Variants in TCTN3 observed in about 807,000 individuals in gnomAD.
The protein encoded by TCTN3 is tectonic-3.
TCTN3 carries 57 observed loss-of-function variants against 71.3 expected under a neutral mutation model. The ratio of observed to expected loss-of-function variants is 0.80; its 90% confidence interval spans 0.65 to 1.00. The LOEUF is 1.00. Among genes scored for constraint, TCTN3 ranks in the 50% least tolerant of loss-of-function variants. The pLI, the probability that TCTN3 is intolerant of heterozygous loss-of-function variation, is 0.00. For missense variants in TCTN3, 696 were observed against 719.9 expected (o/e 0.97, Z 0.38); for synonymous variants, 258 against 267.8 (o/e 0.96, Z 0.36).
intron 13 of TCTN3, 134 bp from the exon 14 acceptor site, chr10:95,664,434 G>A (rs755363902): frequency 1.1e-5 from 8 of 737,312 alleles, no homozygotes; most frequent in Non-Finnish European, 1.8e-5. Context: ...ATCTCATATT[G>A]GTCCTATGTA....
Position 95,680,415 on chromosome 10 carries a change from T to C in TCTN3, c.1590+57A>G, listed in dbSNP as rs894740237. On this transcript the variant is annotated intron_variant, in intron 13 of 13. Coordinates refer to ENST00000371217, the MANE Select transcript of TCTN3 (RefSeq NM_015631.6). ...AAAAATTATTTGGTTAACAAATGAC[T>C]GATAAGACAATCTAGGCTTTGCAAG... The C allele has an allele frequency of 4.6e-6, 7 of 1,534,430 alleles. No homozygotes were observed. The East Asian group carries it at 1.7e-4, about 37-fold the overall frequency.
chr10:95,666,240 C>CTT (rs35125356), intron 13 of TCTN3, among the ~76,000 whole-genome samples: 25,478 of 138,044 alleles, frequency 0.18, 2,590 homozygotes, highest in African/African-American at 0.25. Context: ...CATGCCCAGC[C>CTT]TTTTTTTTTT....
chr10:95,671,536 G>A (rs1034372327), intron 13 of TCTN3, among the ~76,000 whole-genome samples: 2 of 152,114 alleles, frequency 1.3e-5, no homozygotes, highest in Non-Finnish European at 2.9e-5. Context: ...AATACCCTAC[G>A]TAAAATCAGT....
rs908874494 is a variant in TCTN3, at chr10:95,682,838, T to C, written c.1299-34A>G. The C allele has an allele frequency of 5.6e-6, 9 of 1,602,572 alleles. No homozygotes were observed. In the Admixed American group the frequency reaches 1.0e-4, roughly 19 times the overall value. ...AAACACCATGGAGGCTGCAGTCCAA[T>C]GCTAACATAATAATATACCTATATT... On this transcript the variant is annotated intron_variant, in intron 11 of 13. Coordinates refer to ENST00000371217, the MANE Select transcript of TCTN3 (RefSeq NM_015631.6).
At chr10:95,689,008 T>C (rs966449635) in intron 3 of TCTN3, among the ~76,000 whole-genome samples, 12 of 152,346 alleles carry the variant, frequency 7.9e-5, no homozygotes, top group South Asian at 4.1e-4. Flanking sequence ...ACCTGCATCA[T>C]TGAAAGCAAA....
rs888502576 is a variant in TCTN3, at chr10:95,684,617, T to C, written c.977A>G (p.Tyr326Cys). The change falls in exon 9 of 14, where the codon TAT becomes TGT. Residue 326 changes from tyrosine (Y) to cysteine (C), a missense_variant. Coordinates refer to ENST00000371217, the MANE Select transcript of TCTN3 (RefSeq NM_015631.6). Reference protein sequence around the residue: ...TCQNVVSQVTYEIETNGTFGI... With the variant: ...TCQNVVSQVTCEIETNGTFGI... ...AAAAGTCCCATTGGTCTCTATCTCATAGGTGACCTGAAATGCAAAAAGAAT... is the reference window on the plus strand; with the variant it reads ...AAAAGTCCCATTGGTCTCTATCTCACAGGTGACCTGAAATGCAAAAAGAAT... The C allele has an allele frequency of 3.2e-5, 52 of 1,613,412 alleles. No homozygotes were observed. The Admixed American group carries it at 4.8e-4, about 15-fold the overall frequency.
At chr10:95,674,822 A>AGAATGAATGAATGAAT (rs10678463) in intron 13 of TCTN3, among the ~76,000 whole-genome samples, 3 of 150,694 alleles carry the variant, frequency 2.0e-5, no homozygotes, top group East Asian at 3.9e-4. Context: ...CCCCATCTCT[A>AGAATGAATGAATGAAT]GAATGAATGA....
chr10:95,690,453 G>A (rs1392976840), intron 3 of TCTN3, among the ~76,000 whole-genome samples: 1 of 152,204 alleles, frequency 6.6e-6, no homozygotes, highest in Non-Finnish European at 1.5e-5. Context: ...AACTTCTGAG[G>A]ATGGGCTTAC....
intron 13 of TCTN3, among the ~76,000 whole-genome samples, chr10:95,677,116 A>AT (rs1326167399): frequency 2.6e-5 from 4 of 152,184 alleles, no homozygotes; most frequent in African/African-American, 9.7e-5. Flanking sequence ...GTGATGCTAC[A>AT]TTGTCTTTTA....
Position 95,683,546 on chromosome 10 carries a change from A to G in TCTN3, c.1179T>C (p.Ala393=). 1 of 1,614,222 alleles carries G rather than the reference A, an allele frequency of 6.2e-7. No individual in the cohort carries two copies. Among genetic ancestry groups the G allele is most frequent in the South Asian group, 1.1e-5 (1 of 91,088 alleles). The change falls in exon 10 of 14, where the codon GCT becomes GCC. Residue 393 remains alanine (A), a synonymous_variant. Coordinates refer to ENST00000371217, the MANE Select transcript of TCTN3 (RefSeq NM_015631.6). ...CTGAGTAACTTATATCATCAGTCAG[A>G]GCCAAGAGTGGCTTCCCAACTATAT... ...PGYIVGKPLL[A]LTDDISYSMT...
chr10:95,669,626 T>A (rs1022629589), intron 13 of TCTN3, among the ~76,000 whole-genome samples: 51 of 152,186 alleles, frequency 3.4e-4, no homozygotes, highest in African/African-American at 1.2e-3. Context: ...TATAACTAGT[T>A]CCAGGCATAG....
intron 3 of TCTN3, 191 bp downstream of exon 3, chr10:95,692,729 A>G: frequency 1.8e-6 from 1 of 561,480 alleles, no homozygotes; most frequent in Non-Finnish European, 3.2e-6. Flanking sequence ...CAACAACACA[A>G]ATTTGTAAAC....
At chr10:95,680,805 G>C (rs1274586582) in intron 12 of TCTN3, among the ~76,000 whole-genome samples, 196 bp from the exon 13 acceptor site, 1 of 135,162 alleles carries the variant, frequency 7.4e-6, no homozygotes, top group African/African-American at 2.8e-5. Context: ...TTGAGACGAA[G>C]TCTCGCACTG....
intron 10 of TCTN3, 96 bp from the exon 11 acceptor site, chr10:95,683,291 T>C: frequency 6.6e-7 from 1 of 1,511,614 alleles, no homozygotes; most frequent in South Asian, 1.2e-5. Context: ...TAATGCTATT[T>C]ATTTTGTATT....
chr10:95,682,686 AC>A lies in TCTN3; in HGVS notation c.1416del (p.Trp473GlyfsTer14), dbSNP rs2097944207. Reference protein sequence around the residue: ...FGNADPAQKGGWTRILNRHCS... With the variant: ...FGNADPAQKGXWTRILNRHCS... Reference sequence around the variant, plus strand: ...CAGTGCCTGTTGAGGATCCTGGTCCACCCTCCTTTCTGGGCTGGGTCAGCAT... The same window carrying A: ...CAGTGCCTGTTGAGGATCCTGGTCCACCTCCTTTCTGGGCTGGGTCAGCAT... On this transcript the variant is annotated frameshift_variant, in exon 12 of 14. Coordinates refer to ENST00000371217, the MANE Select transcript of TCTN3 (RefSeq NM_015631.6). LOFTEE classifies it high-confidence loss of function. 6.2e-7 allele frequency: 1 copy of A among 1,613,874 alleles called. No homozygotes were observed. Among genetic ancestry groups the A allele is most frequent in the Non-Finnish European group, 8.5e-7 (1 of 1,179,990 alleles).
intron 10 of TCTN3, 41 bp from the exon 11 acceptor site, chr10:95,683,236 A>C (rs1304716991): frequency 6.3e-7 from 1 of 1,583,294 alleles, no homozygotes; most frequent in African/African-American, 1.4e-5. Context: ...CATAACAGAA[A>C]AAAAAAGGAG....
chr10:95,665,952 T>G (rs1427474706), intron 13 of TCTN3, among the ~76,000 whole-genome samples: 1 of 151,992 alleles, frequency 6.6e-6, no homozygotes, highest in Non-Finnish European at 1.5e-5. Context: ...TAGTTTTTTT[T>G]TTTTTTGAGA....
At chr10:95,675,993 A>G (rs1223849220) in intron 13 of TCTN3, among the ~76,000 whole-genome samples, 1 of 152,236 alleles carries the variant, frequency 6.6e-6, no homozygotes, top group Non-Finnish European at 1.5e-5. Flanking sequence ...AGTGGGGTCC[A>G]TAAGATTCAG....
chr10:95,672,194 T>A (rs2097932355), intron 13 of TCTN3, among the ~76,000 whole-genome samples: 1 of 32,080 alleles, frequency 3.1e-5, no homozygotes, highest in Non-Finnish European at 6.9e-5. Context: ...TCACTAAAGA[T>A]AAATGTTTCT....
Sources: gnomAD v4.1 joint callset for allele counts (sites outside exome capture counted in the v4.1 genomes callset) on GRCh38, gnomAD v4.1.1 for gene constraint, MANE v1.5 for transcripts, NCBI Gene and HGNC (gene_info 2026-07-23, HGNC 2026-07-21) for gene names.